Variants in ACOX3 observed in about 807,000 individuals in gnomAD.
The protein encoded by ACOX3 is peroxisomal acyl-coenzyme A oxidase 3.
A neutral mutation model predicts 81.5 loss-of-function variants in ACOX3; 73 were observed. The ratio of observed to expected loss-of-function variants is 0.90; its 90% CI spans 0.74 to 1.09. The LOEUF is 1.09. Among genes scored for constraint, ACOX3 ranks in the 50% least tolerant of loss-of-function variants. The probability of loss-of-function intolerance (pLI) is 0.00; values close to 1 mark genes in which losing one functional copy is unlikely to be tolerated. For synonymous variants in ACOX3, 387 were observed against 375.1 expected, an observed-to-expected ratio of 1.03 and a Z score of -0.37; for missense variants, 947 against 928.0, an observed-to-expected ratio of 1.02 and a Z score of -0.27.
downstream of ACOX3, among the ~76,000 whole-genome samples, chr4:8,363,370 T>C (rs1715273087): frequency 6.6e-6 from 1 of 152,238 alleles, no homozygotes; most frequent in African/African-American, 2.4e-5. Context: ...ATCTTTCATA[T>C]ATCACCTTTT....
chr4:8,401,066 A>G (rs1201477410), intron 7 of ACOX3, among the ~76,000 whole-genome samples: 1 of 151,916 alleles, frequency 6.6e-6, no homozygotes, highest in African/African-American at 2.4e-5. Context: ...CTCGCCTTAG[A>G]TCCCTCACAT....
rs1720042390 is a variant in ACOX3, at chr4:8,399,064, T to C, written c.873+492A>G. Among the ~76,000 whole-genome samples, 1 of 152,150 alleles carries C rather than the reference T, an allele frequency of 6.6e-6. No homozygotes were observed. The highest frequency in any genetic ancestry group is 2.4e-5 in the African/African-American group (1 of 41,440). On this transcript the variant is annotated intron_variant, in intron 8 of 17. Transcript: ENST00000356406. The surrounding 1 kb of genome is among the most constrained non-coding windows in gnomAD (Gnocchi z 4.9). The stretch of plus-strand genomic sequence containing the variant: ...TGGGGACTGTTATTCCAAGGGTGCA[T>C]GCTCGGGGTGGCCCACCTGCTGTGA...
chr4:8,378,284 C>T (rs1437078791), intron 14 of ACOX3, among the ~76,000 whole-genome samples: 1 of 152,202 alleles, frequency 6.6e-6, no homozygotes, highest in African/African-American at 2.4e-5. Context: ...ATCCTGGCCC[C>T]GGCACGGGCG....
In ACOX3 at chr4:8,389,484, A is replaced by G. The variant is rs1056776904; in HGVS notation, c.1423+128T>C. On this transcript the variant is annotated intron_variant, in intron 12 of 17. Transcript: ENST00000356406. This position sits in a 1 kb window ranked among gnomAD's most constrained non-coding sequence, Gnocchi z 5.3. ...CTTGGGGAGTTGGTCGGCACTATCT[A>G]ATAACATTTCTTTCCTTCTGCAAAC... 1 of 1,489,614 alleles carries G rather than the reference A, an allele frequency of 6.7e-7. No individual in the cohort carries two copies. The highest frequency in any genetic ancestry group is 1.8e-5 in the Admixed American group (1 of 55,778). 92.3% of individuals were successfully genotyped at this position (1,489,614 alleles called of 1,614,324 possible).
rs746715394 is a variant in ACOX3, at chr4:8,370,966, T to G, written c.1925A>C (p.Asp642Ala). ...AACAAAGTCAGGAGGAGCGATCACG[T>G]CTACCAGGGCAACTGCATCGTCTTT... ...QLKDDAVALV[D>A]VIAPPDFVLD... Residue 642 changes from aspartate to alanine, a missense_variant, in exon 17 of 18, where the codon GAC (aspartate) becomes GCC (alanine). By Grantham distance (126) the Asp-to-Ala change is moderately radical. Coordinates refer to ENST00000356406, the MANE Select transcript of ACOX3 (RefSeq NM_003501.3). The surrounding 1 kb of genome is among the most constrained non-coding windows in gnomAD (Gnocchi z 6.3). 1 of 1,614,094 alleles carries G rather than the reference T, an allele frequency of 6.2e-7. No individual in the cohort carries two copies.
intron 6 of ACOX3, among the ~76,000 whole-genome samples, chr4:8,408,895 G>GCA: frequency 1.8e-5 from 1 of 55,936 alleles, no homozygotes; most frequent in African/African-American, 5.5e-5. Flanking sequence ...CCTCACTGGG[G>GCA]GGGGGGGGTG....
rs746875338 is a variant in ACOX3, at chr4:8,375,041, C to G, written c.1765G>C (p.Gly589Arg). ...AGGGCGTACAGAGCACTGAGCCGCCCCAGCACGGCCCGCAGCGAGGGCGGC... is the reference window on the plus strand; with the variant it reads ...AGGGCGTACAGAGCACTGAGCCGCCGCAGCACGGCCCGCAGCGAGGGCGGC... ...SVPPSLRAVLGRLSALYALWS... is the reference protein window; with the variant it reads ...SVPPSLRAVLRRLSALYALWS... Residue 589 changes from glycine to arginine, a missense_variant, in exon 15 of 18, where the codon GGG becomes CGG. Gly to Arg is a moderately radical substitution (Grantham distance 125, BLOSUM62 -2). Coordinates refer to ENST00000356406, the MANE Select transcript of ACOX3 (RefSeq NM_003501.3). 1 of 1,554,888 alleles carries G rather than the reference C, an allele frequency of 6.4e-7. No homozygotes were observed. Among genetic ancestry groups the G allele is most frequent in the Non-Finnish European group, 8.7e-7 (1 of 1,149,046 alleles).
Position 8,399,216 on chromosome 4 carries a change from G to C in ACOX3, c.873+340C>G, listed in dbSNP as rs143517672. Among the ~76,000 whole-genome samples the C allele has an allele frequency of 6.6e-6, 1 of 152,108 alleles. No homozygotes were observed. Among genetic ancestry groups the C allele is most frequent in the Non-Finnish European group, 1.5e-5 (1 of 68,004 alleles). On this transcript the variant is annotated intron_variant, in intron 8 of 17. Coordinates refer to ENST00000356406, the MANE Select transcript of ACOX3 (RefSeq NM_003501.3). This position sits in a 1 kb window ranked among gnomAD's most constrained non-coding sequence, Gnocchi z 4.9. ...TGGACACCGGGGAACTCTGTTTGTC[G>C]TCCCCCTTTGTGGACAGTTCGCCAG...
intron 7 of ACOX3, among the ~76,000 whole-genome samples, chr4:8,401,939 C>T (rs966350261): frequency 3.9e-5 from 6 of 152,224 alleles, no homozygotes; most frequent in African/African-American, 7.2e-5. Flanking sequence ...CAACCATCAA[C>T]GTTCCTGGTT....
rs144145017 is a variant in ACOX3, at chr4:8,402,110, C to T, written c.777-2458G>A. ...GACGACATCCTCTGAGGCACAAGGG[C>T]CAGGCCATGATCCTGACTCCCAGGA... On this transcript the variant is annotated intron_variant, in intron 7 of 17. Coordinates refer to ENST00000356406, the MANE Select transcript of ACOX3 (RefSeq NM_003501.3). Among the ~76,000 whole-genome samples, 285 of 152,344 alleles carry T rather than the reference C, an allele frequency of 1.9e-3. 1 individual carries two copies. The highest frequency in any genetic ancestry group is 6.8e-3 in the African/African-American group (281 of 41,584).
In ACOX3 at chr4:8,392,472, A is replaced by C; in HGVS notation, c.1180-19T>G. 1 of 1,540,680 alleles carries C rather than the reference A, an allele frequency of 6.5e-7. No homozygotes were observed. Among genetic ancestry groups the C allele is most frequent in the Non-Finnish European group, 8.7e-7 (1 of 1,146,784 alleles). On this transcript the variant is annotated intron_variant, in intron 10 of 17. Coordinates refer to ENST00000356406, the MANE Select transcript of ACOX3 (RefSeq NM_003501.3). ...GCTCTGCCTTTGGGTGAGGGAATCCAACAAGAACAGGTGAAAAGAGACTTT... is the reference window on the plus strand; with the variant it reads ...GCTCTGCCTTTGGGTGAGGGAATCCCACAAGAACAGGTGAAAAGAGACTTT...
At chr4:8,373,242 T>C (rs1348586088) in intron 16 of ACOX3, among the ~76,000 whole-genome samples, 1 of 151,970 alleles carries the variant, frequency 6.6e-6, no homozygotes, top group Non-Finnish European at 1.5e-5. Flanking sequence ...AAATTTCTGA[T>C]GTAGCCATAT....
chr4:8,380,675 A>G (rs3796747), intron 14 of ACOX3, among the ~76,000 whole-genome samples: 50,695 of 152,146 alleles, frequency 0.33, 12,159 homozygotes, highest in African/African-American at 0.69. Context: ...TCCCCATAGC[A>G]GCTTCATTAC....
chr4:8,416,227 G>T lies in ACOX3; in HGVS notation c.144+151C>A. The stretch of plus-strand genomic sequence containing the variant: ...ACTCCTCATCAATTCCCTGAGGCCT[G>T]TCCTGGGGTGCAGAGAGGAGAGAGG... On this transcript the variant is annotated intron_variant, in intron 2 of 17. Coordinates refer to ENST00000356406, the MANE Select transcript of ACOX3 (RefSeq NM_003501.3). This position sits in a 1 kb window ranked among gnomAD's most constrained non-coding sequence, Gnocchi z 4.2. 7.6e-7 allele frequency: 1 copy of T among 1,323,294 alleles called. No homozygotes were observed. The highest frequency in any genetic ancestry group is 1.1e-6 in the Non-Finnish European group (1 of 934,872). The allele number at this position is 1,323,294 out of a possible 1,614,324, so 82.0% of individuals were successfully genotyped here.
chr4:8,383,132 G>A (rs1717903807), intron 13 of ACOX3, among the ~76,000 whole-genome samples: 2 of 152,352 alleles, frequency 1.3e-5, no homozygotes, highest in African/African-American at 4.8e-5. Context: ...CCGTTTCCCA[G>A]GCTCACACGT....
rs1719787582 is a variant in ACOX3 at position 8,397,064 on chromosome 4, G to A, written c.929C>T (p.Ser310Phe). The change falls in exon 9 of 18, where the codon TCC (serine) becomes TTC (phenylalanine). Residue 310 changes from serine to phenylalanine, a missense_variant. By Grantham distance (155) the Ser-to-Phe change is radical. Coordinates refer to ENST00000356406, the MANE Select transcript of ACOX3 (RefSeq NM_003501.3). Reference protein sequence around the residue: ...SLGSLSSGRVSIVSLAILNLK... With the variant: ...SLGSLSSGRVFIVSLAILNLK... ...GTTAAGGATGGCCAGGCTCACGATG[G>A]AGACCCGGCCCGAGGACAGGCTCCC... is the stretch of plus-strand genomic sequence containing the variant. The A allele has an allele frequency of 6.2e-7, 1 of 1,603,694 alleles. No individual in the cohort carries two copies. The highest frequency in any genetic ancestry group is 8.5e-7 in the Non-Finnish European group (1 of 1,175,642).
chr4:8,370,364 T>A lies in ACOX3; in HGVS notation c.1983+544A>T, dbSNP rs1410234091. Among the ~76,000 whole-genome samples the A allele has an allele frequency of 1.3e-5, 2 of 151,868 alleles. No homozygotes were observed. The highest frequency in any genetic ancestry group is 2.9e-5 in the Non-Finnish European group (2 of 67,912). ...CCCTCAGGGGGGCGGCCTGACCCCA[T>A]CTGCTATGAAGGAATCATTATGGAA... On this transcript the variant is annotated intron_variant, in intron 17 of 17. Transcript: ENST00000356406. This position sits in a 1 kb window ranked among gnomAD's most constrained non-coding sequence, Gnocchi z 6.3.
chr4:8,437,425 TAA>T lies in ACOX3; in HGVS notation c.-15+3221_-15+3222del, dbSNP rs1724319615. 6.6e-6 allele frequency among the ~76,000 whole-genome samples: 1 copy of T among 151,084 alleles called. No individual in the cohort carries two copies. On this transcript the variant is annotated intron_variant, in intron 1 of 17. Coordinates refer to ENST00000356406, the MANE Select transcript of ACOX3 (RefSeq NM_003501.3). The surrounding 1 kb of genome is among the most constrained non-coding windows in gnomAD (Gnocchi z 5.2). ...CAAAAAGAAAGACTCACAGTAAGTG[TAA>T]AAAAGAGAATCAGAAGAAAATGGGA...
intron 13 of ACOX3, among the ~76,000 whole-genome samples, chr4:8,388,597 T>C (rs924447692): frequency 1.3e-5 from 2 of 152,204 alleles, no homozygotes; most frequent in Non-Finnish European, 2.9e-5. Context: ...GCAGCTCCCA[T>C]GACACACCTG....
Sources: allele counts gnomAD v4.1 joint callset (sites outside exome capture counted in the v4.1 genomes callset), GRCh38; gene constraint gnomAD v4.1.1; non-coding constraint Gnocchi (gnomAD v3.1); transcripts MANE v1.5; gene names NCBI Gene and HGNC (gene_info 2026-07-23, HGNC 2026-07-21).